SNX29: variants seen among roughly 807,000 people sequenced by gnomAD.
SNX29 encodes the protein sorting nexin 29, also known as sorting nexin-29.
Under a neutral mutation model 102.1 loss-of-function variants are expected in SNX29, and 78 were observed. That is an observed-to-expected ratio of 0.76 (90% CI 0.64 to 0.92). The LOEUF (loss-of-function observed/expected upper bound fraction) is 0.92. Ranked by LOEUF, SNX29 falls within the 40% of genes least tolerant of loss-of-function variation. The probability of loss-of-function intolerance (pLI) is 0.00; values close to 1 mark genes in which losing one functional copy is unlikely to be tolerated. For missense variants in SNX29, 1,280 were observed against 1,061.7 expected (o/e 1.21, Z -2.86); for synonymous variants, 580 against 414.5 (o/e 1.40, Z -4.85).
intron 4 of SNX29, among the ~76,000 whole-genome samples, chr16:12,030,631 A>G (rs2057313201): frequency 2.0e-5 from 3 of 151,998 alleles, no homozygotes; most frequent in African/African-American, 7.3e-5. Flanking sequence ...ATCAGCTCTG[A>G]CCCACTTTGC....
intron 15 of SNX29, among the ~76,000 whole-genome samples, chr16:12,310,075 TACACATGTGC>T (rs2080481111): frequency 2.0e-5 from 3 of 151,192 alleles, no homozygotes; most frequent in Admixed American, 1.3e-4. Flanking sequence ...CGCACATACA[TACACATGTGC>T]ACACATGCAC....
In SNX29 at chr16:12,571,794, C is replaced by T; in HGVS notation, c.*3165C>T. ...AGAACCTTCTCCGCCACTCTTCCTG[C>T]AATCAGTGTGAAATTCCAGCTTCTT... On this transcript the variant is annotated 3_prime_UTR_variant, in exon 21 of 21. Coordinates refer to ENST00000566228, the MANE Select transcript of SNX29 (RefSeq NM_032167.5). 3.0e-6 allele frequency: 3 copies of T among 1,012,672 alleles called. No individual in the cohort carries two copies. The highest frequency in any genetic ancestry group is 3.6e-6 in the Non-Finnish European group (3 of 832,538). The allele number at this position is 1,012,672 out of a possible 1,614,324, so 62.7% of individuals were successfully genotyped here.
At position 12,533,659 on chromosome 16, in the gene SNX29, G is replaced by A. The variant is rs117792289; in HGVS notation, c.2318+8818G>A. Among the ~76,000 whole-genome samples, 239 of 152,260 alleles carry A rather than the reference G, an allele frequency of 1.6e-3. 3 individuals are homozygous for A. In the East Asian group the frequency reaches 0.019, roughly 12 times the overall value. On this transcript the variant is annotated intron_variant, in intron 20 of 20. Transcript: ENST00000566228. ...GGGGCCTTGGTTCTGTGATCTTCCAGCATCAATAGGCACCCCAAATTTACC... is the reference window on the plus strand; with the variant it reads ...GGGGCCTTGGTTCTGTGATCTTCCAACATCAATAGGCACCCCAAATTTACC...
intron 16 of SNX29, among the ~76,000 whole-genome samples, chr16:12,376,627 T>G (rs2082882513): frequency 6.8e-6 from 1 of 147,214 alleles, no homozygotes; most frequent in Non-Finnish European, 1.5e-5. Flanking sequence ...TCCCAGCTAC[T>G]CAGGAGGCGG....
intron 11 of SNX29, among the ~76,000 whole-genome samples, chr16:12,084,845 G>C (rs1337529206): frequency 6.6e-6 from 1 of 152,184 alleles, no homozygotes; most frequent in Non-Finnish European, 1.5e-5. Context: ...AAGGTGGGCA[G>C]ATCACTTGAG....
At position 12,333,843 on chromosome 16, in the gene SNX29, GTCCATTCCAGT is replaced by G. The variant is rs571542399; in HGVS notation, c.1783-22318_1783-22308del. Among the ~76,000 whole-genome samples the G allele has an allele frequency of 5.9e-5, 9 of 152,254 alleles. No homozygotes were observed. The East Asian group carries it at 1.7e-3, about 29-fold the overall frequency. On this transcript the variant is annotated intron_variant, in intron 15 of 20. Transcript: ENST00000566228. Reference sequence around the variant, plus strand: ...GGTAGAAAAGGCCATGTTTAGCCAGGTCCATTCCAGTTATTCTCAGAGACCCGAATGGAGAA... The same window carrying G: ...GGTAGAAAAGGCCATGTTTAGCCAGGTATTCTCAGAGACCCGAATGGAGAA...
intron 20 of SNX29, among the ~76,000 whole-genome samples, chr16:12,534,810 C>T (rs1215108408): frequency 2.2e-4 from 34 of 152,298 alleles, no homozygotes; most frequent in Non-Finnish European, 4.4e-5. Flanking sequence ...GCCTTACTCC[C>T]CAGTTCCAGG....
intron 13 of SNX29, among the ~76,000 whole-genome samples, chr16:12,145,557 C>T (rs2055033154): frequency 6.6e-6 from 1 of 152,038 alleles, no homozygotes; most frequent in Admixed American, 6.6e-5. Context: ...CCGGGAATAC[C>T]AGAAAAGTTT....
At chr16:12,351,764 C>T (rs540227479) in intron 15 of SNX29, among the ~76,000 whole-genome samples, 2 of 152,262 alleles carry the variant, frequency 1.3e-5, no homozygotes, top group South Asian at 4.2e-4. Context: ...CAAAGCCCAA[C>T]TCAAATGTCA....
chr16:12,260,627 C>T (rs2078705953), intron 14 of SNX29, among the ~76,000 whole-genome samples: 1 of 93,396 alleles, frequency 1.1e-5, no homozygotes. Flanking sequence ...CGTCTGCTTG[C>T]TCTCCAGGGC....
chr16:12,571,917 G>A lies in SNX29; in HGVS notation c.*3288G>A, dbSNP rs1407910495. The A allele has an allele frequency of 1.1e-5, 12 of 1,062,230 alleles. No individual in the cohort carries two copies. Among genetic ancestry groups the A allele is most frequent in the Non-Finnish European group, 1.4e-5 (12 of 877,302 alleles). The allele number at this position is 1,062,230 out of a possible 1,614,324, so 65.8% of individuals were successfully genotyped here. On this transcript the variant is annotated 3_prime_UTR_variant, in exon 21 of 21. Transcript: ENST00000566228. ...AGCCCCCTGCATTTCTCTACTGGCA[G>A]GCCCTGGTGAAGGAAGACACTTTCA...
At chr16:12,465,649 C>T (rs979002761) in intron 18 of SNX29, among the ~76,000 whole-genome samples, 1 of 152,090 alleles carries the variant, frequency 6.6e-6, no homozygotes, top group South Asian at 2.1e-4. Context: ...ATACCTCCAG[C>T]TTTGTTCTTT....
intron 13 of SNX29, among the ~76,000 whole-genome samples, chr16:12,149,952 A>G (rs986956486): frequency 6.6e-6 from 1 of 152,198 alleles, no homozygotes; most frequent in Non-Finnish European, 1.5e-5. Context: ...TGCTGTGTCA[A>G]GGAAGCTTCA....
intron 18 of SNX29, among the ~76,000 whole-genome samples, chr16:12,422,250 C>T (rs1226561647): frequency 6.6e-6 from 1 of 152,178 alleles, no homozygotes; most frequent in Non-Finnish European, 1.5e-5. Flanking sequence ...TGTTGGGCCT[C>T]AGGTTACCCA....
chr16:12,092,173 C>G (rs2151409149), intron 11 of SNX29, among the ~76,000 whole-genome samples: 1 of 152,216 alleles, frequency 6.6e-6, no homozygotes, highest in African/African-American at 2.4e-5. Flanking sequence ...TTTCCTGTAG[C>G]CCCCACTGGG....
chr16:12,517,291 T>A (rs1320556139), intron 19 of SNX29, among the ~76,000 whole-genome samples: 1 of 152,226 alleles, frequency 6.6e-6, no homozygotes, highest in African/African-American at 2.4e-5. Flanking sequence ...AGATCCCTCA[T>A]GGCCCTTTAA....
chr16:11,987,115 A>T (rs137937291), intron 1 of SNX29, among the ~76,000 whole-genome samples: 3 of 152,194 alleles, frequency 2.0e-5, no homozygotes, highest in Admixed American at 6.5e-5. Context: ...CCCAGGCTGG[A>T]GTGCAGTGGT....
intron 8 of SNX29, among the ~76,000 whole-genome samples, chr16:12,057,547 G>A (rs1268918410): frequency 3.3e-5 from 5 of 152,160 alleles, no homozygotes; most frequent in Admixed American, 1.3e-4. Context: ...GTCCCAGTGC[G>A]AGAAGCAGCC....
intron 20 of SNX29, among the ~76,000 whole-genome samples, chr16:12,564,164 G>T (rs1177593063): frequency 6.6e-6 from 1 of 152,124 alleles, no homozygotes; most frequent in Non-Finnish European, 1.5e-5. Flanking sequence ...TGAGGTAGAG[G>T]ATTGCTTGAG....
Sources: gnomAD v4.1 joint callset for allele counts (sites outside exome capture counted in the v4.1 genomes callset) on GRCh38, gnomAD v4.1.1 for gene constraint, MANE v1.5 for transcripts, NCBI Gene and HGNC (gene_info 2026-07-23, HGNC 2026-07-21) for gene names.